Variants in LEPR observed in about 807,000 individuals in gnomAD.
The protein encoded by LEPR is OB receptor.
Under a neutral mutation model 114.7 loss-of-function variants are expected in LEPR, and 56 were observed. The observed-to-expected ratio is 0.49, with a 90% CI of 0.39 to 0.61. LEPR has a LOEUF of 0.61. Ranked by LOEUF, LEPR falls within the 20% of genes least tolerant of loss-of-function variation. The pLI is 0.00. For missense variants in LEPR, 1,202 were observed against 1,352.9 expected, an observed-to-expected ratio of 0.89 and a Z score of 1.75; for synonymous variants, 443 against 461.4, an observed-to-expected ratio of 0.96 and a Z score of 0.51.
chr1:65,565,808 A>G (rs923915604), intron 3 of LEPR, among the ~76,000 whole-genome samples: 2 of 151,698 alleles, frequency 1.3e-5, no homozygotes, highest in African/African-American at 4.8e-5. Context: ...CCTAAAGACA[A>G]CCTGATGGTG....
intron 19 of LEPR, among the ~76,000 whole-genome samples, chr1:65,629,995 T>A (rs933069131): frequency 1.3e-5 from 2 of 152,158 alleles, no homozygotes; most frequent in African/African-American, 2.4e-5. Context: ...GCGATAAGTC[T>A]CCATCTCTCC....
At chr1:65,499,573 G>A (rs1648337229) in intron 2 of LEPR, among the ~76,000 whole-genome samples, 1 of 152,028 alleles carries the variant, frequency 6.6e-6, no homozygotes, top group African/African-American at 2.4e-5. Context: ...ACAATTAGGA[G>A]GATAAATTCC....
intron 2 of LEPR, among the ~76,000 whole-genome samples, chr1:65,445,410 C>T (rs1646701298): frequency 1.3e-5 from 2 of 152,192 alleles, no homozygotes; most frequent in South Asian, 2.1e-4. Context: ...GGCAAAGTTG[C>T]TGGTAAGTAT....
chr1:65,449,350 C>T (rs1321616210), intron 2 of LEPR, among the ~76,000 whole-genome samples: 4 of 147,746 alleles, frequency 2.7e-5, no homozygotes, highest in Admixed American at 2.1e-4. Context: ...AGGCAGTGAA[C>T]TCCTCCTGGG....
At chr1:65,479,314 C>T (rs1459880102) in intron 2 of LEPR, among the ~76,000 whole-genome samples, 1 of 151,972 alleles carries the variant, frequency 6.6e-6, no homozygotes, top group African/African-American at 2.4e-5. Flanking sequence ...AAATAATGAT[C>T]ATGGAACATT....
At chr1:65,623,530 T>C (rs1658013090) in intron 19 of LEPR, 1 of 152,222 alleles carries the variant, frequency 6.6e-6, no homozygotes, top group Non-Finnish European at 1.5e-5. Context: ...TTTACTTCTA[T>C]AGTAGGATTT....
intron 2 of LEPR, among the ~76,000 whole-genome samples, chr1:65,545,581 G>A (rs1651633324): frequency 6.6e-6 from 1 of 152,244 alleles, no homozygotes; most frequent in African/African-American, 2.4e-5. Flanking sequence ...TTTTTCATGT[G>A]TCTTTTGGCT....
At chr1:65,625,188 T>G (rs1249288367) in intron 19 of LEPR, among the ~76,000 whole-genome samples, 3 of 152,208 alleles carry the variant, frequency 2.0e-5, no homozygotes, top group Non-Finnish European at 4.4e-5. Flanking sequence ...ATGTAAGGCT[T>G]GGCTGTTGCT....
At chr1:65,421,490 A>G in intron 1 of LEPR, 1 of 1,536,022 alleles carries the variant, frequency 6.5e-7, no homozygotes, top group Non-Finnish European at 8.7e-7. Flanking sequence ...TAATCTGTCG[A>G]ATAGAGTAGC....
intron 2 of LEPR, among the ~76,000 whole-genome samples, chr1:65,537,323 T>C (rs1650847229): frequency 6.6e-6 from 1 of 152,174 alleles, no homozygotes; most frequent in Non-Finnish European, 1.5e-5. Flanking sequence ...AACTTACTTA[T>C]GTATAAACCA....
chr1:65,470,460 A>G (rs896231550), intron 2 of LEPR, among the ~76,000 whole-genome samples: 7 of 152,182 alleles, frequency 4.6e-5, no homozygotes, highest in Non-Finnish European at 1.5e-5. Flanking sequence ...AGTAGCTCTA[A>G]TCTCATTTTC....
chr1:65,608,958 A>G, intron 12 of LEPR, 57 bp downstream of exon 12: 1 of 1,601,116 alleles, frequency 6.2e-7, no homozygotes, highest in Non-Finnish European at 8.5e-7. Context: ...TATAATATGT[A>G]AGAGTTTAAT....
chr1:65,431,844 A>G, intron 2 of LEPR: 1 of 1,614,080 alleles, frequency 6.2e-7, no homozygotes, highest in Non-Finnish European at 8.5e-7. Flanking sequence ...CAGGCAATGC[A>G]GTCATTTTCC....
chr1:65,487,346 G>C (rs576515524), intron 2 of LEPR, among the ~76,000 whole-genome samples: 1 of 152,172 alleles, frequency 6.6e-6, no homozygotes, highest in Middle Eastern at 3.4e-3. Flanking sequence ...GGCACTACAT[G>C]ATGTTTGTCA....
intron 5 of LEPR, among the ~76,000 whole-genome samples, chr1:65,574,417 A>G (rs946893624): frequency 6.6e-6 from 1 of 152,128 alleles, no homozygotes; most frequent in African/African-American, 2.4e-5. Flanking sequence ...AAAAATTTAA[A>G]TTTGCTAGCT....
chr1:65,626,230 C>A, intron 19 of LEPR: 1 of 1,527,266 alleles, frequency 6.5e-7, no homozygotes, highest in Non-Finnish European at 8.8e-7. Flanking sequence ...GAGGTGTGCA[C>A]AATGCTGCCA....
Position 65,542,260 on chromosome 1 carries a change from C to CT in LEPR, c.-20-23278dup, listed in dbSNP as rs554936310. ...AAATATTTGTATATTTCAACATAGG[C>CT]TTTTTTTTCTTTTCATTTCTTTCTA... is the stretch of plus-strand genomic sequence containing the variant. On this transcript the variant is annotated intron_variant, in intron 2 of 19. Transcript: ENST00000349533. Among the ~76,000 whole-genome samples the CT allele has an allele frequency of 8.2e-4, 125 of 151,600 alleles. No homozygotes were observed. The South Asian group carries it at 9.0e-3, about 11-fold the overall frequency.
chr1:65,507,323 T>C (rs929943702), intron 2 of LEPR, among the ~76,000 whole-genome samples: 2 of 152,062 alleles, frequency 1.3e-5, no homozygotes, highest in Admixed American at 6.5e-5. Flanking sequence ...AGTGCTGGGA[T>C]GATAGGTGTG....
At chr1:65,567,107 G>A (rs571088880) in intron 3 of LEPR, among the ~76,000 whole-genome samples, 5 of 152,306 alleles carry the variant, frequency 3.3e-5, no homozygotes, top group Admixed American at 1.3e-4. Flanking sequence ...TACCTGATAA[G>A]ATATGCCTTC....
Sources: gnomAD v4.1 joint callset for allele counts (sites outside exome capture counted in the v4.1 genomes callset) on GRCh38, gnomAD v4.1.1 for gene constraint, MANE v1.5 for transcripts, NCBI Gene and HGNC (gene_info 2026-07-23, HGNC 2026-07-21) for gene names.